Variants in NIBAN1 observed in about 807,000 individuals in gnomAD.
NIBAN1 encodes the protein niban apoptosis regulator 1, also known as protein Niban 1.
Under a neutral mutation model 75.1 loss-of-function variants are expected in NIBAN1, and 81 were observed. That is an observed-to-expected ratio of 1.08 (90% CI 0.90 to 1.30). NIBAN1 has a LOEUF of 1.30. Among genes scored for constraint, NIBAN1 ranks in the 50% most tolerant of loss-of-function variants. The pLI is 0.00. For missense variants in NIBAN1, 1,133 were observed against 1,128.1 expected, an observed-to-expected ratio of 1.00 and a Z score of -0.06; for synonymous variants, 436 against 424.8, an observed-to-expected ratio of 1.03 and a Z score of -0.32.
At chr1:184,924,713 G>A (rs1657641161) in intron 1 of NIBAN1, among the ~76,000 whole-genome samples, 1 of 152,010 alleles carries the variant, frequency 6.6e-6, no homozygotes, top group African/African-American at 2.4e-5. Flanking sequence ...CTCATTACTT[G>A]TTATTGGTCT....
intron 1 of NIBAN1, among the ~76,000 whole-genome samples, chr1:184,905,072 G>A (rs1282642474): frequency 2.0e-5 from 3 of 152,156 alleles, no homozygotes; most frequent in Non-Finnish European, 4.4e-5. Context: ...GGGAGGGGGA[G>A]TGCCAGGGCT....
At position 184,974,351 on chromosome 1, in the gene NIBAN1, G is replaced by A. The variant is rs1472748104; in HGVS notation, c.6C>T (p.Gly2=). 5 of 1,559,200 alleles carry A rather than the reference G, an allele frequency of 3.2e-6. No individual in the cohort carries two copies. In the East Asian group the frequency reaches 7.2e-5, roughly 22 times the overall value. The change falls in exon 1 of 14, where the codon GGC becomes GGT. Residue 2 remains glycine, a synonymous_variant. Coordinates refer to ENST00000367511, the MANE Select transcript of NIBAN1 (RefSeq NM_052966.4). ...CGTCCAGCTGGCTGGAGGCTGAGCC[G>A]CCCATGACCGCGAGCTGCCTGTGCT... is the stretch of plus-strand genomic sequence containing the variant. The part of the protein sequence containing the change: M[G]GSASSQLDEG...
chr1:184,953,217 C>G (rs1310672272), intron 1 of NIBAN1, among the ~76,000 whole-genome samples: 1 of 152,096 alleles, frequency 6.6e-6, no homozygotes, highest in Non-Finnish European at 1.5e-5. Context: ...GTGGAAGAAA[C>G]CAAGGTTAGA....
intron 8 of NIBAN1, among the ~76,000 whole-genome samples, chr1:184,820,411 A>G (rs1654663227): frequency 6.6e-6 from 1 of 152,092 alleles, no homozygotes; most frequent in South Asian, 2.1e-4. Context: ...CTGCACCTTT[A>G]TTCAATGTTC....
At chr1:184,943,629 C>T (rs1328526929) in intron 1 of NIBAN1, among the ~76,000 whole-genome samples, 1 of 152,046 alleles carries the variant, frequency 6.6e-6, no homozygotes, top group Non-Finnish European at 1.5e-5. Context: ...AAGTCATAGA[C>T]TAATAACTCA....
chr1:184,803,530 GT>G, intron 12 of NIBAN1, 54 bp downstream of exon 12: 1 of 1,417,712 alleles, frequency 7.1e-7, no homozygotes, highest in Non-Finnish European at 9.9e-7. Context: ...AAAAGAACTT[GT>G]TTGAACTTCA....
chr1:184,927,480 G>A (rs554625361), intron 1 of NIBAN1, among the ~76,000 whole-genome samples: 12 of 152,158 alleles, frequency 7.9e-5, no homozygotes, highest in South Asian at 2.1e-4. Flanking sequence ...TCTTGTTCTC[G>A]TCCCCTGCTT....
rs1033028198 is a variant in NIBAN1 at position 184,899,101 on chromosome 1, G to A, written c.186+78C>T. The A allele has an allele frequency of 3.3e-6, 5 of 1,502,146 alleles. No individual in the cohort carries two copies. In the African/African-American group the frequency reaches 7.0e-5, roughly 21 times the overall value. The allele number at this position is 1,502,146 out of a possible 1,614,324, so 93.1% of individuals were successfully genotyped here. ...TTTTAAAACTGCCATTCAAATTATT[G>A]TTTATTTCAGAAATACGGCTGTGCT... On this transcript the variant is annotated intron_variant, in intron 2 of 13. Coordinates refer to ENST00000367511, the MANE Select transcript of NIBAN1 (RefSeq NM_052966.4).
rs1656098119 is a variant in NIBAN1, at chr1:184,871,235, T to C, written c.601+13398A>G. On this transcript the variant is annotated intron_variant, in intron 5 of 13. Transcript: ENST00000367511. ...GGTGGTGTGTGCCTGTAATCCCAGC[T>C]GCTTGGGAGGCTGAGGCTGGAGAAT... Among the ~76,000 whole-genome samples the C allele has an allele frequency of 2.0e-5, 3 of 151,050 alleles. No homozygotes were observed. The Admixed American group carries it at 2.0e-4, about 10-fold the overall frequency.
chr1:184,922,890 A>G (rs1657596513), intron 1 of NIBAN1, among the ~76,000 whole-genome samples: 1 of 152,196 alleles, frequency 6.6e-6, no homozygotes, highest in African/African-American at 2.4e-5. Flanking sequence ...TACAGACGTG[A>G]GTTAAATCAC....
chr1:184,888,855 A>T (rs1656598300), intron 4 of NIBAN1, among the ~76,000 whole-genome samples: 1 of 152,246 alleles, frequency 6.6e-6, no homozygotes, highest in Non-Finnish European at 1.5e-5. Context: ...AAAATATAAT[A>T]ATATGCATAG....
intron 12 of NIBAN1, 136 bp downstream of exon 12, chr1:184,803,449 T>C (rs1212695030): frequency 4.6e-6 from 3 of 654,032 alleles, no homozygotes; most frequent in African/African-American, 1.8e-5. Context: ...AAATATTTAC[T>C]ATCTGACCAT....
chr1:184,856,813 AAAG>A (rs1478287110), intron 5 of NIBAN1, among the ~76,000 whole-genome samples: 1 of 152,202 alleles, frequency 6.6e-6, no homozygotes, highest in Non-Finnish European at 1.5e-5. Context: ...GTGTTTGGCA[AAAG>A]AAGGCATAAT....
chr1:184,959,982 T>A (rs1341245284), intron 1 of NIBAN1, among the ~76,000 whole-genome samples: 1 of 152,220 alleles, frequency 6.6e-6, no homozygotes, highest in Admixed American at 6.5e-5. Flanking sequence ...CTTCTGTTAG[T>A]CAGATATTGA....
chr1:184,836,420 T>C (rs1213782772), intron 5 of NIBAN1, among the ~76,000 whole-genome samples: 1 of 152,210 alleles, frequency 6.6e-6, no homozygotes, highest in Non-Finnish European at 1.5e-5. Context: ...TAAATTTACA[T>C]ATTTCCTCCT....
intron 5 of NIBAN1, among the ~76,000 whole-genome samples, chr1:184,839,204 A>G (rs983031725): frequency 2.6e-5 from 4 of 152,170 alleles, no homozygotes; most frequent in African/African-American, 7.2e-5. Context: ...TGGGAAGGCT[A>G]AATAGTTTCT....
At chr1:184,810,013 G>A (rs1009509653) in intron 9 of NIBAN1, among the ~76,000 whole-genome samples, 7 of 152,094 alleles carry the variant, frequency 4.6e-5, no homozygotes, top group African/African-American at 1.7e-4. Context: ...TTGTTAACAC[G>A]AGTTGCTTGA....
intron 5 of NIBAN1, among the ~76,000 whole-genome samples, chr1:184,836,619 C>A (rs949841750): frequency 5.3e-5 from 8 of 152,108 alleles, no homozygotes; most frequent in Non-Finnish European, 1.0e-4. Context: ...AGAAGGAGAG[C>A]TCCAATGTAA....
At chr1:184,810,809 T>G (rs1571481082) in intron 9 of NIBAN1, among the ~76,000 whole-genome samples, 1 of 152,354 alleles carries the variant, frequency 6.6e-6, no homozygotes, top group East Asian at 1.9e-4. Context: ...CATTCATTGC[T>G]CAGGTAAACT....
Sources: allele counts gnomAD v4.1 joint callset (sites outside exome capture counted in the v4.1 genomes callset), GRCh38; gene constraint gnomAD v4.1.1; transcripts MANE v1.5; gene names NCBI Gene and HGNC (gene_info 2026-07-23, HGNC 2026-07-21).